STX6: variants seen among roughly 807,000 people sequenced by gnomAD.
STX6 encodes the protein syntaxin 6.
STX6 carries 23 observed loss-of-function variants against 38.0 expected under a neutral mutation model. The observed-to-expected ratio is 0.60, with a 90% CI of 0.43 to 0.86. The LOEUF (loss-of-function observed/expected upper bound fraction) is 0.86, where lower values mean the gene tolerates loss of function less well. STX6 is among the 40% of genes least tolerant of loss of function. The pLI is 0.00. For synonymous variants in STX6, 123 were observed against 107.5 expected, an observed-to-expected ratio of 1.14 and a Z score of -0.89; for missense variants, 274 against 312.9, an observed-to-expected ratio of 0.88 and a Z score of 0.94.
At chr1:181,003,268 A>G (rs1656133744) in intron 2 of STX6, among the ~76,000 whole-genome samples, 1 of 152,066 alleles carries the variant, frequency 6.6e-6, no homozygotes, top group Non-Finnish European at 1.5e-5. Context: ...TTACTTGATT[A>G]CCATCTGTCC....
intron 7 of STX6, among the ~76,000 whole-genome samples, chr1:180,982,277 T>C (rs1253802170): frequency 6.6e-6 from 1 of 152,180 alleles, no homozygotes; most frequent in Admixed American, 6.5e-5. Flanking sequence ...CAGAGACGAA[T>C]ACAAATTGCT....
In STX6 at chr1:181,019,059, A is replaced by G. The variant is rs190510960; in HGVS notation, c.35+3580T>C. ...CTAAAATGTGGCTAGTATTCATCAT[A>G]TGGGTGTTTTTACAGAGTGAAAATT... On this transcript the variant is annotated intron_variant, in intron 1 of 7. Transcript: ENST00000258301. 8.1e-3 allele frequency among the ~76,000 whole-genome samples: 1,230 copies of G among 152,272 alleles called. 5 individuals carry two copies. Among genetic ancestry groups the G allele is most frequent in the Non-Finnish European group, 0.01 (713 of 68,022 alleles).
In STX6 at chr1:181,008,727, GTT is replaced by G. The variant is rs55654509; in HGVS notation, c.36-3266_36-3265del. 4.5e-3 allele frequency among the ~76,000 whole-genome samples: 494 copies of G among 108,718 alleles called. 1 individual carries two copies. The highest frequency in any genetic ancestry group is 7.2e-3 in the African/African-American group (205 of 28,612). 71.3% of individuals were successfully genotyped at this position (108,718 alleles called of 152,430 possible). A position where few individuals can be genotyped will look rare whatever the true frequency, so the allele number is the denominator to read the frequency against. ...TAGTTGATATAAGCTTTCCAAAATT[GTT>G]TTTTTTTTTTTTTTTTTTTTAAACA... On this transcript the variant is annotated intron_variant, in intron 1 of 7. Transcript: ENST00000258301.
At chr1:181,007,472 C>T (rs2102325141) in intron 1 of STX6, among the ~76,000 whole-genome samples, 1 of 152,186 alleles carries the variant, frequency 6.6e-6, no homozygotes, top group South Asian at 2.1e-4. Flanking sequence ...TACTGAGTAT[C>T]ATTTATGATA....
At chr1:180,980,290 G>C (rs1484687688) in intron 7 of STX6, among the ~76,000 whole-genome samples, 1 of 149,658 alleles carries the variant, frequency 6.7e-6, no homozygotes, top group African/African-American at 2.5e-5. Flanking sequence ...CTGGGGAAAG[G>C]CAAATTAAAA....
intron 7 of STX6, among the ~76,000 whole-genome samples, chr1:180,981,349 T>C (rs1655410793): frequency 6.6e-6 from 1 of 152,226 alleles, no homozygotes; most frequent in African/African-American, 2.4e-5. Context: ...AAATAGTTTA[T>C]TAATTTTTTA....
chr1:180,987,846 C>T (rs1468082290), intron 6 of STX6: 1 of 151,360 alleles, frequency 6.6e-6, no homozygotes, highest in Non-Finnish European at 1.5e-5. Context: ...CAAAGCAAAA[C>T]GTGTCTGTTC....
At position 180,989,940 on chromosome 1, in the gene STX6, T is replaced by C. The variant is rs778629906; in HGVS notation, c.489+44A>G. The C allele has an allele frequency of 5.6e-6, 9 of 1,609,160 alleles. No individual in the cohort carries two copies. The Admixed American group carries it at 1.5e-4, about 27-fold the overall frequency. The stretch of plus-strand genomic sequence containing the variant: ...CTGGCAAAGGAACTAAGGGGGTGTC[T>C]TGTTTCCCACTGGCCCGTCCTAAGT... On this transcript the variant is annotated intron_variant, in intron 5 of 7. Transcript: ENST00000258301.
At chr1:181,011,543 C>T (rs1209419148) in intron 1 of STX6, among the ~76,000 whole-genome samples, 1 of 152,236 alleles carries the variant, frequency 6.6e-6, no homozygotes, top group Non-Finnish European at 1.5e-5. Context: ...ATGTACAAAT[C>T]TAACCAGGGA....
intron 6 of STX6, 43 bp downstream of exon 6, chr1:180,988,196 C>T: frequency 3.4e-6 from 5 of 1,457,354 alleles, no homozygotes; most frequent in Non-Finnish European, 4.8e-6. Flanking sequence ...GATGGCTCTG[C>T]CCCTCAATTT....
Position 181,005,193 on chromosome 1 carries a change from C to T in STX6, c.205+101G>A, listed in dbSNP as rs1054901397. On this transcript the variant is annotated intron_variant, in intron 2 of 7. Coordinates refer to ENST00000258301, the MANE Select transcript of STX6 (RefSeq NM_005819.6). ...ACAAGTAAGAGCAACAAACATTAAT[C>T]GATTATAAAATGTTTCATCTACATA... is the stretch of plus-strand genomic sequence containing the variant. 8 of 1,516,096 alleles carry T rather than the reference C, an allele frequency of 5.3e-6. No homozygotes were observed. In the East Asian group the frequency reaches 9.1e-5, roughly 17 times the overall value. The allele number at this position is 1,516,096 out of a possible 1,614,324, so 93.9% of individuals were successfully genotyped here. A position where few individuals can be genotyped will look rare whatever the true frequency, so the allele number is the denominator to read the frequency against.
rs752345894 is a variant in STX6 at position 180,993,444 on chromosome 1, C to T, written c.301-19G>A. On this transcript the variant is annotated intron_variant, in intron 3 of 7. Transcript: ENST00000258301. ...TCATGTCCTAATGAGAAAGAAGATA[C>T]GAAAACAAATGAAAAATATCCTTAA... 1.0e-4 allele frequency: 154 copies of T among 1,498,044 alleles called. 1 individual carries two copies. Among genetic ancestry groups the T allele is most frequent in the Admixed American group, 3.1e-4 (18 of 58,230 alleles). The allele number at this position is 1,498,044 out of a possible 1,614,324, so 92.8% of individuals were successfully genotyped here.
intron 7 of STX6, among the ~76,000 whole-genome samples, chr1:180,977,471 T>G (rs2102297966): frequency 6.6e-6 from 1 of 152,306 alleles, no homozygotes; most frequent in South Asian, 2.1e-4. Flanking sequence ...AACCCTGTCA[T>G]ACACACACTG....
At chr1:181,005,122 T>C (rs912883099) in intron 2 of STX6, 172 bp downstream of exon 2, 1 of 783,014 alleles carries the variant, frequency 1.3e-6, no homozygotes, top group Non-Finnish European at 1.5e-6. Flanking sequence ...AGAATTTGGC[T>C]ACTGTACCTT....
rs1053576203 is a variant in STX6, at chr1:180,975,161, G to T, written c.*1409C>A. 6 of 152,542 alleles carry T rather than the reference G, an allele frequency of 3.9e-5. No individual in the cohort carries two copies. Among genetic ancestry groups the T allele is most frequent in the Admixed American group, 1.3e-4 (2 of 15,278 alleles). The allele number at this position is 152,542 out of a possible 1,614,324, so 9.4% of individuals were successfully genotyped here. A position where few individuals can be genotyped will look rare whatever the true frequency, so the allele number is the denominator to read the frequency against. ...ACCCAAAAAGACAAGGAAATGAGAA[G>T]TCAAAGCTAGAACTCTATCCAGATG... On this transcript the variant is annotated 3_prime_UTR_variant, in exon 8 of 8. Transcript: ENST00000258301.
intron 3 of STX6, 75 bp from the exon 4 acceptor site, chr1:180,993,500 G>T: frequency 1.3e-6 from 1 of 742,526 alleles, no homozygotes; most frequent in South Asian, 1.8e-5. Context: ...TCATACATTA[G>T]CAAAACACAC....
chr1:180,983,836 G>A (rs904908363), intron 7 of STX6, among the ~76,000 whole-genome samples: 10 of 151,926 alleles, frequency 6.6e-5, no homozygotes, highest in African/African-American at 1.9e-4. Flanking sequence ...AGGCCGAGGC[G>A]GGCAGATCAC....
chr1:180,990,455 A>G (rs190349337), intron 4 of STX6, among the ~76,000 whole-genome samples: 16 of 152,284 alleles, frequency 1.1e-4, no homozygotes, highest in African/African-American at 3.1e-4. Context: ...GTACCTGTGG[A>G]ACTTCAGCAA....
At chr1:180,982,447 C>T (rs1655444372) in intron 7 of STX6, among the ~76,000 whole-genome samples, 1 of 152,206 alleles carries the variant, frequency 6.6e-6, no homozygotes. Flanking sequence ...TTTTCCTATA[C>T]AAATATAACC....
Sources: allele counts gnomAD v4.1 joint callset (sites outside exome capture counted in the v4.1 genomes callset), GRCh38; gene constraint gnomAD v4.1.1; transcripts MANE v1.5; gene names NCBI Gene and HGNC (gene_info 2026-07-23, HGNC 2026-07-21).